The following DYNLT1 variants were observed in gnomAD, a reference collection of about 807,000 sequenced individuals.
The protein encoded by DYNLT1 is T-complex testis-specific protein 1 homolog.
Under a neutral mutation model 19.6 loss-of-function variants are expected in DYNLT1, and 18 were observed. The ratio of observed to expected loss-of-function variants is 0.92; its 90% CI spans 0.64 to 1.36. DYNLT1 has a LOEUF of 1.36. Among genes scored for constraint, DYNLT1 ranks in the 40% most tolerant of loss-of-function variants. The pLI, the probability that DYNLT1 is intolerant of heterozygous loss-of-function variation, is 0.00. For missense variants in DYNLT1, 137 were observed against 139.3 expected, an observed-to-expected ratio of 0.98 and a Z score of 0.08; for synonymous variants, 56 against 44.0, an observed-to-expected ratio of 1.27 and a Z score of -1.07.
Position 158,644,615 on chromosome 6 carries a change from G to T in DYNLT1, c.27+67C>A. ...GTGGGCAGCCAGGCCTTTCCGGGCAGGACCGCGTGTCCTTCCGCGGCCAGG... is the reference window on the plus strand; with the variant it reads ...GTGGGCAGCCAGGCCTTTCCGGGCATGACCGCGTGTCCTTCCGCGGCCAGG... On this transcript the variant is annotated intron_variant, in intron 1 of 4. Transcript: ENST00000367089. 3.1e-6 allele frequency: 5 copies of T among 1,594,684 alleles called. No individual in the cohort carries two copies. In the South Asian group the frequency reaches 5.5e-5, roughly 18 times the overall value.
chr6:158,637,590 G>C (rs1180471246), intron 3 of DYNLT1, 181 bp downstream of exon 3: 1 of 872,176 alleles, frequency 1.1e-6, no homozygotes, highest in Non-Finnish European at 1.8e-6. Context: ...CATACGATCT[G>C]CAATTGTACC....
intron 1 of DYNLT1, among the ~76,000 whole-genome samples, chr6:158,643,456 C>T (rs1278102487): frequency 6.6e-6 from 1 of 152,158 alleles, no homozygotes; most frequent in Non-Finnish European, 1.5e-5. Context: ...TCCCTGAAAA[C>T]ATTCCTCCTT....
In DYNLT1 at chr6:158,637,167, G is replaced by A. The variant is rs756734827; in HGVS notation, c.232C>T (p.His78Tyr). The change falls in exon 4 of 5, where the codon CAC becomes TAC. Residue 78 changes from histidine (H) to tyrosine (Y), a missense_variant. Transcript: ENST00000367089. Reference protein sequence around the residue: ...VIMQKNGAGLHTASSCFWDSS... With the variant: ...VIMQKNGAGLYTASSCFWDSS... ...TCCCAGAAGCAGGAACTTGCTGTGT[G>A]TAATCCAGCTCCATTCTTCTGCATA... is the stretch of plus-strand genomic sequence containing the variant. The A allele has an allele frequency of 4.3e-6, 7 of 1,614,132 alleles. No individual in the cohort carries two copies. The highest frequency in any genetic ancestry group is 4.5e-5 in the East Asian group (2 of 44,898).
intron 3 of DYNLT1, chr6:158,637,470 G>A: frequency 1.6e-6 from 1 of 614,126 alleles, no homozygotes; most frequent in Non-Finnish European, 2.9e-6. Context: ...ATCCATCAAA[G>A]TTGAAAAATT....
rs919045442 is a variant in DYNLT1, at chr6:158,643,395, T to C, written c.27+1287A>G. On this transcript the variant is annotated intron_variant, in intron 1 of 4. Transcript: ENST00000367089. ...CAGGAAGTGTGTGCTAGTTAGGAAA[T>C]CAGATCAAAACTGAAACTCTAGAAT... 5.3e-5 allele frequency among the ~76,000 whole-genome samples: 8 copies of C among 152,310 alleles called. No homozygotes were observed. In the South Asian group the frequency reaches 1.7e-3, roughly 32 times the overall value.
rs1317016695 is a variant in DYNLT1, at chr6:158,636,763, C to A, written c.*64G>T. ...GAATGAGAAAAGAGTTCACTGAATT[C>A]ATGGCTGGTGGTTAGAGGATGAACT... is the stretch of plus-strand genomic sequence containing the variant. On this transcript the variant is annotated 3_prime_UTR_variant, in exon 5 of 5. Transcript: ENST00000367089. 6.6e-7 allele frequency: 1 copy of A among 1,514,960 alleles called. No individual in the cohort carries two copies. Among genetic ancestry groups the A allele is most frequent in the South Asian group, 1.2e-5 (1 of 84,006 alleles). 93.8% of individuals were successfully genotyped at this position (1,514,960 alleles called of 1,614,324 possible).
Position 158,637,151 on chromosome 6 carries a change from C to G in DYNLT1, c.248G>C (p.Cys83Ser), listed in dbSNP as rs1314194871. The G allele has an allele frequency of 6.2e-7, 1 of 1,614,228 alleles. No homozygotes were observed. Residue 83 changes from cysteine to serine, a missense_variant, in exon 4 of 5, where the codon TGC becomes TCC. Coordinates refer to ENST00000367089, the MANE Select transcript of DYNLT1 (RefSeq NM_006519.4). ...ACCGTCAGTAGAGCTGTCCCAGAAG[C>G]AGGAACTTGCTGTGTGTAATCCAGC... ...NGAGLHTASSCFWDSSTDGSC... is the reference protein window; with the variant it reads ...NGAGLHTASSSFWDSSTDGSC...
chr6:158,640,920 T>G (rs546278963), intron 2 of DYNLT1, among the ~76,000 whole-genome samples: 1 of 152,328 alleles, frequency 6.6e-6, no homozygotes, highest in Admixed American at 6.5e-5. Context: ...TTTAGGAATG[T>G]AAGAAAAGTA....
intron 3 of DYNLT1, 197 bp downstream of exon 3, chr6:158,637,574 G>A (rs770667225): frequency 1.9e-5 from 15 of 785,038 alleles, no homozygotes; most frequent in Non-Finnish European, 2.5e-5. Flanking sequence ...GTAAGATCCC[G>A]CTTCACATAC....
chr6:158,642,144 T>A (rs1350573960), intron 1 of DYNLT1: 1 of 152,208 alleles, frequency 6.6e-6, no homozygotes, highest in Admixed American at 6.5e-5. Context: ...GATTACATTA[T>A]CTCCAGGTAA....
rs1583071718 is a variant in DYNLT1 at position 158,636,899 on chromosome 6, T to C, written c.272-2A>G. The C allele has an allele frequency of 1.2e-6, 2 of 1,613,390 alleles. No individual in the cohort carries two copies. Among genetic ancestry groups the C allele is most frequent in the South Asian group, 1.1e-5 (1 of 90,890 alleles). On this transcript the variant is annotated splice_acceptor_variant, in intron 4 of 4. Transcript: ENST00000367089. LOFTEE classifies it high-confidence loss of function. Reference sequence around the variant, plus strand: ...TCTCCCATCGCACAGTGCAGCTCCCTGCGGGAGGGAAGAGAGCAGCATTTA... The same window carrying C: ...TCTCCCATCGCACAGTGCAGCTCCCCGCGGGAGGGAAGAGAGCAGCATTTA...
At position 158,636,901 on chromosome 6, in the gene DYNLT1, C is replaced by CGGGA. The variant is rs1359662826; in HGVS notation, c.272-8_272-5dup. On this transcript the variant is annotated splice_region_variant and splice_polypyrimidine_tract_variant and intron_variant, in intron 4 of 4. Transcript: ENST00000367089. ...TCCCATCGCACAGTGCAGCTCCCTG[C>CGGGA]GGGAGGGAAGAGAGCAGCATTTACG... 2 of 1,613,264 alleles carry CGGGA rather than the reference C, an allele frequency of 1.2e-6. No individual in the cohort carries two copies. The highest frequency in any genetic ancestry group is 1.7e-6 in the Non-Finnish European group (2 of 1,179,618).
intron 1 of DYNLT1, 128 bp downstream of exon 1, chr6:158,644,554 G>A: frequency 3.5e-6 from 4 of 1,141,246 alleles, no homozygotes; most frequent in South Asian, 2.9e-5. Flanking sequence ...GGGAAGCTCA[G>A]GCCGTGGGCT....
intron 2 of DYNLT1, among the ~76,000 whole-genome samples, chr6:158,638,641 T>C (rs968955209): frequency 1.3e-5 from 2 of 151,996 alleles, no homozygotes; most frequent in Non-Finnish European, 2.9e-5. Flanking sequence ...TTTGTAGAGA[T>C]GGGGTCTTGC....
intron 2 of DYNLT1, among the ~76,000 whole-genome samples, 191 bp from the exon 3 acceptor site, chr6:158,638,085 CAT>C (rs751897953): frequency 7.9e-5 from 12 of 152,290 alleles, no homozygotes; most frequent in South Asian, 2.1e-4. Context: ...TTCAAAAATT[CAT>C]AGTCTGTCAA....
In DYNLT1 at chr6:158,636,810, A is replaced by G; in HGVS notation, c.*17T>C. The G allele has an allele frequency of 6.2e-7, 1 of 1,606,128 alleles. No individual in the cohort carries two copies. The highest frequency in any genetic ancestry group is 8.5e-7 in the Non-Finnish European group (1 of 1,176,394). ...AACTAGAGACAAAAGGAGAAAGGCC[A>G]TAGGCTGGACTGCAGGTCAAATAGA... is the stretch of plus-strand genomic sequence containing the variant. On this transcript the variant is annotated 3_prime_UTR_variant, in exon 5 of 5. Transcript: ENST00000367089.
At chr6:158,637,991 A>G in intron 2 of DYNLT1, 97 bp from the exon 3 acceptor site, 1 of 1,536,952 alleles carries the variant, frequency 6.5e-7, no homozygotes. Flanking sequence ...TGATTTATGA[A>G]AAGTTTATTT....
At chr6:158,641,547 A>G (rs1356305682) in intron 1 of DYNLT1, 187 bp from the exon 2 acceptor site, 1 of 434,670 alleles carries the variant, frequency 2.3e-6, no homozygotes, top group Non-Finnish European at 4.1e-6. Context: ...GAATACATGC[A>G]CATAATTTAA....
At chr6:158,639,385 G>T (rs1012975335) in intron 2 of DYNLT1, among the ~76,000 whole-genome samples, 1 of 152,086 alleles carries the variant, frequency 6.6e-6, no homozygotes, top group Non-Finnish European at 1.5e-5. Context: ...AAGGGTAGGG[G>T]GGGCTTTGTT....
Sources: gnomAD v4.1 joint callset for allele counts (sites outside exome capture counted in the v4.1 genomes callset) on GRCh38, gnomAD v4.1.1 for gene constraint, MANE v1.5 for transcripts, NCBI Gene and HGNC (gene_info 2026-07-23, HGNC 2026-07-21) for gene names.